Variants in DIAPH3 observed in about 807,000 individuals in gnomAD.
The protein encoded by DIAPH3 is protein diaphanous homolog 3.
DIAPH3 carries 117 observed loss-of-function variants against 144.3 expected under a neutral mutation model. The ratio of observed to expected loss-of-function variants is 0.81; its 90% CI spans 0.70 to 0.95. The LOEUF (loss-of-function observed/expected upper bound fraction) is 0.95, where lower values mean the gene tolerates loss of function less well. Among genes scored for constraint, DIAPH3 ranks in the 40% least tolerant of loss-of-function variants. The probability of loss-of-function intolerance (pLI) is 0.00; values close to 1 mark genes in which losing one functional copy is unlikely to be tolerated. For synonymous variants in DIAPH3, 519 were observed against 488.9 expected (o/e 1.06, Z -0.81); for missense variants, 1,421 against 1,412.7 (o/e 1.01, Z -0.09).
chr13:59,962,322 C>T (rs552440356), intron 17 of DIAPH3, among the ~76,000 whole-genome samples: 1 of 152,274 alleles, frequency 6.6e-6, no homozygotes, highest in South Asian at 2.1e-4. Context: ...GTAAATTATA[C>T]TTGAATGCAG....
chr13:59,847,070 T>A (rs2042681690), intron 22 of DIAPH3, among the ~76,000 whole-genome samples: 1 of 152,034 alleles, frequency 6.6e-6, no homozygotes, highest in Non-Finnish European at 1.5e-5. Context: ...CAGAGGGAGA[T>A]CTTGTCTCAA....
intron 25 of DIAPH3, among the ~76,000 whole-genome samples, chr13:59,782,079 G>A (rs576207588): frequency 2.0e-5 from 3 of 151,888 alleles, no homozygotes. Context: ...AGGTGTTTTT[G>A]TTATAGCAGC....
intron 13 of DIAPH3, 132 bp downstream of exon 13, chr13:59,983,637 G>A (rs2051176346): frequency 3.1e-6 from 2 of 637,222 alleles, no homozygotes; most frequent in Non-Finnish European, 5.5e-6. Context: ...ATGTTTTTGT[G>A]CTATTATGAA....
chr13:59,862,229 C>T (rs553155323), intron 21 of DIAPH3, among the ~76,000 whole-genome samples: 72 of 152,118 alleles, frequency 4.7e-4, no homozygotes, highest in African/African-American at 1.7e-3. Context: ...TTAGGGAAGG[C>T]ATGTAGGGAC....
chr13:59,831,912 A>T (rs2041800180), intron 24 of DIAPH3, among the ~76,000 whole-genome samples: 1 of 151,818 alleles, frequency 6.6e-6, no homozygotes, highest in African/African-American at 2.4e-5. Context: ...TACTGAAAAC[A>T]TTTTTATGGG....
At chr13:60,053,653 C>G (rs2056445119) in intron 4 of DIAPH3, among the ~76,000 whole-genome samples, 1 of 152,082 alleles carries the variant, frequency 6.6e-6, no homozygotes, top group African/African-American at 2.4e-5. Flanking sequence ...TAAATGACTA[C>G]ATTTCATCTC....
At chr13:59,943,616 C>T (rs2048653267) in intron 17 of DIAPH3, among the ~76,000 whole-genome samples, 1 of 152,026 alleles carries the variant, frequency 6.6e-6, no homozygotes, top group Non-Finnish European at 1.5e-5. Context: ...TTAAGGCTTG[C>T]TCATAAAGAA....
chr13:59,675,497 G>C (rs2032600290), intron 27 of DIAPH3, among the ~76,000 whole-genome samples: 1 of 151,448 alleles, frequency 6.6e-6, no homozygotes, highest in Non-Finnish European at 1.5e-5. Flanking sequence ...CCATTCTCCT[G>C]CCTCAGCCTC....
chr13:60,050,707 T>A (rs2056298280), intron 4 of DIAPH3, among the ~76,000 whole-genome samples: 1 of 152,182 alleles, frequency 6.6e-6, no homozygotes, highest in Admixed American at 6.6e-5. Context: ...CTTTAGGTTT[T>A]ATTCTGAGTG....
At chr13:60,031,040 C>G (rs1385009479) in intron 5 of DIAPH3, among the ~76,000 whole-genome samples, 1 of 152,076 alleles carries the variant, frequency 6.6e-6, no homozygotes, top group Admixed American at 6.6e-5. Context: ...TAAAGAAATG[C>G]CTGAGGCTTG....
rs191884996 is a variant in DIAPH3, at chr13:59,925,310, C to A, written c.2075-440G>T. Among the ~76,000 whole-genome samples, 535 of 152,126 alleles carry A rather than the reference C, an allele frequency of 3.5e-3. 4 individuals are homozygous for A. The highest frequency in any genetic ancestry group is 0.013 in the African/African-American group (519 of 41,518). ...TCATTTTATGTCTAATATACAATAC[C>A]ATTCTTATTTAAAAACATACCTTAT... On this transcript the variant is annotated intron_variant, in intron 17 of 27. Coordinates refer to ENST00000400324, the MANE Select transcript of DIAPH3 (RefSeq NM_001042517.2).
chr13:59,707,199 G>A (rs1225775815), intron 27 of DIAPH3, among the ~76,000 whole-genome samples: 1 of 152,108 alleles, frequency 6.6e-6, no homozygotes, highest in Non-Finnish European at 1.5e-5. Flanking sequence ...ATTTTTAAAT[G>A]TTTCTGGTCT....
At chr13:59,794,997 G>C (rs1241868747) in intron 25 of DIAPH3, among the ~76,000 whole-genome samples, 1 of 152,214 alleles carries the variant, frequency 6.6e-6, no homozygotes, top group Non-Finnish European at 1.5e-5. Context: ...TAGGTCATTA[G>C]GAAACAAAAT....
chr13:59,785,657 C>A (rs1269340976), intron 25 of DIAPH3, among the ~76,000 whole-genome samples: 3 of 152,106 alleles, frequency 2.0e-5, no homozygotes, highest in Non-Finnish European at 4.4e-5. Context: ...GCAAATATTG[C>A]TGATTAGTCA....
intron 27 of DIAPH3, among the ~76,000 whole-genome samples, chr13:59,693,177 A>T (rs1323974953): frequency 6.6e-6 from 1 of 152,184 alleles, no homozygotes; most frequent in Admixed American, 6.5e-5. Flanking sequence ...CTCCGGTGGA[A>T]GGCGCTTATG....
chr13:59,861,524 T>C lies in DIAPH3; in HGVS notation c.2620A>G (p.Lys874Glu). The C allele has an allele frequency of 1.2e-6, 2 of 1,613,748 alleles. No homozygotes were observed. Among genetic ancestry groups the C allele is most frequent in the Non-Finnish European group, 1.7e-6 (2 of 1,179,850 alleles). Residue 874 changes from lysine to glutamate, a missense_variant, in exon 22 of 28, where the codon AAA becomes GAA. Lys to Glu is a moderately conservative substitution (Grantham distance 56). Coordinates refer to ENST00000400324, the MANE Select transcript of DIAPH3 (RefSeq NM_001042517.2). ...LSSLCKLKDT[K>E]SADQKTTLLH... is the part of the protein sequence containing the mutation. Reference sequence around the variant, plus strand: ...AGCGTTGTTTTCTGATCTGCTGATTTTGTGTCCTTTAGCTAAATAGAACAG... The same window carrying C: ...AGCGTTGTTTTCTGATCTGCTGATTCTGTGTCCTTTAGCTAAATAGAACAG...
At position 59,810,895 on chromosome 13, in the gene DIAPH3, CTTT is replaced by C. The variant is rs753024929; in HGVS notation, c.3053_3055del (p.Lys1018del). On this transcript the variant is annotated inframe_deletion, in exon 25 of 28. Coordinates refer to ENST00000400324, the MANE Select transcript of DIAPH3 (RefSeq NM_001042517.2). Reference sequence around the variant, plus strand: ...ACGTTTTTCTTTTTCCTCTGCTTCTCTTTTTTTGATATTCTCCTTTATTGCTTG... The same window carrying C: ...ACGTTTTTCTTTTTCCTCTGCTTCTCTTTTGATATTCTCCTTTATTGCTTG... 1.3e-6 allele frequency: 2 copies of C among 1,596,798 alleles called. No homozygotes were observed. Among genetic ancestry groups the C allele is most frequent in the South Asian group, 2.2e-5 (2 of 89,696 alleles).
At chr13:59,690,429 T>G (rs2033448410) in intron 27 of DIAPH3, among the ~76,000 whole-genome samples, 1 of 152,208 alleles carries the variant, frequency 6.6e-6, no homozygotes, top group Non-Finnish European at 1.5e-5. Context: ...ATATTACATT[T>G]GCTGGTTGGT....
intron 13 of DIAPH3, among the ~76,000 whole-genome samples, chr13:59,983,502 G>C (rs1472909426): frequency 6.6e-6 from 1 of 151,554 alleles, no homozygotes; most frequent in Non-Finnish European, 1.5e-5. Context: ...TGACAGTAAA[G>C]ATGATAATGA....
Sources: gnomAD v4.1 joint callset for allele counts (sites outside exome capture counted in the v4.1 genomes callset) on GRCh38, gnomAD v4.1.1 for gene constraint, MANE v1.5 for transcripts, NCBI Gene and HGNC (gene_info 2026-07-23, HGNC 2026-07-21) for gene names.